ATG4B: variants seen among roughly 807,000 people sequenced by gnomAD.
The protein encoded by ATG4B is autophagy related 4B cysteine peptidase.
A neutral mutation model predicts 56.6 loss-of-function variants in ATG4B; 29 were observed. The ratio of observed to expected loss-of-function variants is 0.51; its 90% CI spans 0.38 to 0.70. The LOEUF is 0.70. Among genes scored for constraint, ATG4B ranks in the 30% least tolerant of loss-of-function variants. The pLI, the probability that ATG4B is intolerant of heterozygous loss-of-function variation, is 0.00. For missense variants in ATG4B, 461 were observed against 515.5 expected (o/e 0.89, Z 1.02); for synonymous variants, 224 against 206.1 (o/e 1.09, Z -0.74).
intron 4 of ATG4B, among the ~76,000 whole-genome samples, chr2:241,654,144 T>C (rs2068313172): frequency 1.3e-5 from 2 of 152,090 alleles, no homozygotes; most frequent in East Asian, 3.9e-4. Flanking sequence ...GATTCTGGGC[T>C]GGGTGTGGTG....
intron 1 of ATG4B, 76 bp downstream of exon 1, chr2:241,637,800 C>T (rs1169734132): frequency 1.3e-5 from 19 of 1,441,836 alleles, no homozygotes; most frequent in East Asian, 2.9e-5. Context: ...TCGGGTCGGG[C>T]TGCCGCGACT....
chr2:241,637,737 CG>C lies in ATG4B; in HGVS notation c.10+18del. ...AAGATGGACGCAGGTGAGGAGTTGC[CG>C]GGGGTCGGTCTTTCCGCAGGAGGTG... On this transcript the variant is annotated intron_variant, in intron 1 of 12. Transcript: ENST00000404914. 3.2e-6 allele frequency: 5 copies of C among 1,573,982 alleles called. No homozygotes were observed. Among genetic ancestry groups the C allele is most frequent in the Admixed American group, 3.7e-5 (2 of 54,354 alleles).
rs559036202 is a variant in ATG4B, at chr2:241,673,599, G to C, written c.*1335G>C. On this transcript the variant is annotated 3_prime_UTR_variant, in exon 13 of 13. Coordinates refer to ENST00000404914, the MANE Select transcript of ATG4B (RefSeq NM_013325.5). ...CATTGAAGACATAGTGTATTTCCTC[G>C]TATCCTTTCTCCCTTGGGTGTAGTT... The C allele has an allele frequency of 2.2e-6, 1 of 455,542 alleles. No homozygotes were observed. Among genetic ancestry groups the C allele is most frequent in the Non-Finnish European group, 4.4e-6 (1 of 227,058 alleles). 28.2% of individuals were successfully genotyped at this position (455,542 alleles called of 1,614,324 possible).
intron 10 of ATG4B, among the ~76,000 whole-genome samples, chr2:241,670,035 A>G (rs1167951486): frequency 6.6e-6 from 1 of 152,146 alleles, no homozygotes; most frequent in Non-Finnish European, 1.5e-5. Flanking sequence ...AGGAGGAGGA[A>G]TGTCCCCTGT....
chr2:241,671,620 C>T, intron 12 of ATG4B: 4 of 1,487,870 alleles, frequency 2.7e-6, no homozygotes, highest in East Asian at 2.6e-5. Context: ...GTCTTCCCCA[C>T]CAGCGCTGCC....
chr2:241,671,943 GC>G, intron 12 of ATG4B: 3 of 1,389,894 alleles, frequency 2.2e-6, no homozygotes, highest in South Asian at 1.6e-5. Context: ...CGGGACAGAG[GC>G]CCCTCAGGCC....
In ATG4B at chr2:241,673,549, C is replaced by T. The variant is rs1005988158; in HGVS notation, c.*1285C>T. On this transcript the variant is annotated 3_prime_UTR_variant, in exon 13 of 13. Transcript: ENST00000404914. ...CGGCACTGACCGGCCCACCTGGTAG[C>T]AGAGGACACCCCCAGCCCCCCAAGC... 12 of 453,524 alleles carry T rather than the reference C, an allele frequency of 2.6e-5. No homozygotes were observed. Among genetic ancestry groups the T allele is most frequent in the Non-Finnish European group, 4.9e-5 (11 of 226,134 alleles). The allele number at this position is 453,524 out of a possible 1,614,324, so 28.1% of individuals were successfully genotyped here.
chr2:241,671,761 G>C (rs1018184374), intron 12 of ATG4B: 87 of 1,292,154 alleles, frequency 6.7e-5, no homozygotes, highest in Non-Finnish European at 8.1e-5. Context: ...ACTGGCCATG[G>C]GTGGCGTAGA....
chr2:241,651,657 C>T lies in ATG4B; in HGVS notation c.184+322C>T, dbSNP rs1186490632. On this transcript the variant is annotated intron_variant, in intron 3 of 12. Coordinates refer to ENST00000404914, the MANE Select transcript of ATG4B (RefSeq NM_013325.5). This position sits in a 1 kb window ranked among gnomAD's most constrained non-coding sequence, Gnocchi z 4.1. Reference sequence around the variant, plus strand: ...AAGCGGTGTGTGTCCGCCACGGGCACGCAGCATGGCGCTTCAGGGATCTTC... The same window carrying T: ...AAGCGGTGTGTGTCCGCCACGGGCATGCAGCATGGCGCTTCAGGGATCTTC... Among the ~76,000 whole-genome samples, 2 of 152,190 alleles carry T rather than the reference C, an allele frequency of 1.3e-5. No homozygotes were observed. The highest frequency in any genetic ancestry group is 2.4e-5 in the African/African-American group (1 of 41,430).
chr2:241,652,670 C>A (rs183230314), intron 3 of ATG4B, among the ~76,000 whole-genome samples: 4 of 152,160 alleles, frequency 2.6e-5, no homozygotes, highest in African/African-American at 9.7e-5. Context: ...CTCTGAGATA[C>A]GTTTTTATCA....
At chr2:241,671,813 G>T in intron 12 of ATG4B, 1 of 1,276,324 alleles carries the variant, frequency 7.8e-7, no homozygotes, top group Non-Finnish European at 1.0e-6. Context: ...GCCGGCCTGG[G>T]CTCGTGCAGT....
chr2:241,652,567 G>C (rs756763711), intron 3 of ATG4B, among the ~76,000 whole-genome samples: 2 of 152,160 alleles, frequency 1.3e-5, no homozygotes, highest in Admixed American at 6.5e-5. Context: ...TCGCTATGTT[G>C]CCCAGGCTGG....
chr2:241,666,527 G>A (rs148214056), intron 7 of ATG4B, 118 bp from the exon 8 acceptor site: 39,676 of 1,074,350 alleles, frequency 0.037, 959 homozygotes, highest in Middle Eastern at 0.098. Flanking sequence ...GAATTTCACT[G>A]TAAGCACCTG....
chr2:241,641,762 A>G (rs1160217738), intron 1 of ATG4B, among the ~76,000 whole-genome samples: 3 of 152,218 alleles, frequency 2.0e-5, no homozygotes, highest in Non-Finnish European at 4.4e-5. Flanking sequence ...GTCACATCAG[A>G]TGAGGTCACC....
rs961264699 is a variant in ATG4B, at chr2:241,651,991, C to T, written c.184+656C>T. ...AGGCCGGAGGTGAGGGCCGGGCTGG[C>T]GTCATGCTTCCTCAGTGCCAGGTCA... On this transcript the variant is annotated intron_variant, in intron 3 of 12. Transcript: ENST00000404914. This position sits in a 1 kb window ranked among gnomAD's most constrained non-coding sequence, Gnocchi z 4.1. 10 of 1,302,394 alleles carry T rather than the reference C, an allele frequency of 7.7e-6. No individual in the cohort carries two copies. Among genetic ancestry groups the T allele is most frequent in the African/African-American group, 1.5e-5 (1 of 65,818 alleles). 80.7% of individuals were successfully genotyped at this position (1,302,394 alleles called of 1,614,324 possible).
chr2:241,656,939 G>A (rs890583012), intron 6 of ATG4B, among the ~76,000 whole-genome samples: 2 of 152,206 alleles, frequency 1.3e-5, no homozygotes, highest in Admixed American at 1.3e-4. Flanking sequence ...GGGATTACAG[G>A]CGTGAGCCAC....
At chr2:241,666,123 T>C (rs1381323657) in intron 7 of ATG4B, among the ~76,000 whole-genome samples, 1 of 151,986 alleles carries the variant, frequency 6.6e-6, no homozygotes, top group Non-Finnish European at 1.5e-5. Context: ...GAGTGGGGAG[T>C]GGTGTTGAGA....
chr2:241,669,753 C>G (rs2068899763), intron 10 of ATG4B, among the ~76,000 whole-genome samples: 1 of 152,204 alleles, frequency 6.6e-6, no homozygotes, highest in African/African-American at 2.4e-5. Context: ...ATGATCCACC[C>G]ACCTCGGCCT....
chr2:241,644,043 A>T (rs1477863624), intron 1 of ATG4B, among the ~76,000 whole-genome samples: 3 of 152,048 alleles, frequency 2.0e-5, no homozygotes, highest in African/African-American at 7.2e-5. Flanking sequence ...AGTGGATCTC[A>T]TACATCTGAG....
Sources: gnomAD v4.1 joint callset for allele counts (sites outside exome capture counted in the v4.1 genomes callset) on GRCh38, gnomAD v4.1.1 for gene constraint, Gnocchi (gnomAD v3.1) non-coding constraint, MANE v1.5 for transcripts, NCBI Gene and HGNC (gene_info 2026-07-23, HGNC 2026-07-21) for gene names.